The following CCDC66 variants were observed in gnomAD, a reference collection of about 807,000 sequenced individuals.
CCDC66 encodes coiled-coil domain-containing protein 66.
A neutral mutation model predicts 128.3 loss-of-function variants in CCDC66; 133 were observed. The ratio of observed to expected loss-of-function variants is 1.04; its 90% CI spans 0.90 to 1.20. CCDC66 has a LOEUF of 1.20. Among genes scored for constraint, CCDC66 ranks in the 50% most tolerant of loss-of-function variants. CCDC66 has a pLI of 0.00. For synonymous variants in CCDC66, 387 were observed against 357.0 expected (o/e 1.08, Z -0.95); for missense variants, 1,126 against 1,075.5 (o/e 1.05, Z -0.66).
chr3:56,561,470 T>A (rs1465516684), intron 3 of CCDC66: 1 of 265,344 alleles, frequency 3.8e-6, no homozygotes, highest in East Asian at 1.0e-4. Context: ...TGTTTTAGAA[T>A]TTTTTTTTTA....
Position 56,615,113 on chromosome 3 carries a change from C to G in CCDC66, c.1567-15C>G, listed in dbSNP as rs372886360. The G allele has an allele frequency of 1.5e-4, 243 of 1,611,326 alleles. No individual in the cohort carries two copies. The highest frequency in any genetic ancestry group is 1.9e-4 in the Non-Finnish European group (229 of 1,178,906). ...TGTTTAATAGATGAATTTAGTAACA[C>G]ATCAATATTGACAGGAAATCATGAC... is the stretch of plus-strand genomic sequence containing the variant. On this transcript the variant is annotated splice_polypyrimidine_tract_variant and intron_variant, in intron 11 of 17. Coordinates refer to ENST00000394672, the MANE Select transcript of CCDC66 (RefSeq NM_001141947.3).
intron 7 of CCDC66, among the ~76,000 whole-genome samples, chr3:56,576,210 A>G (rs905126549): frequency 6.6e-6 from 1 of 151,224 alleles, no homozygotes; most frequent in African/African-American, 2.4e-5. Flanking sequence ...TTTTTCAGCA[A>G]TGTTTTGTAG....
chr3:56,571,145 T>A (rs550161673), intron 6 of CCDC66, 36 bp from the exon 7 acceptor site: 2 of 1,427,202 alleles, frequency 1.4e-6, no homozygotes, highest in South Asian at 2.6e-5. Flanking sequence ...TTTTTACAGT[T>A]TTTGTACATT....
chr3:56,591,853 A>G (rs2106914014), intron 7 of CCDC66, among the ~76,000 whole-genome samples: 1 of 152,378 alleles, frequency 6.6e-6, no homozygotes, highest in South Asian at 2.1e-4. Flanking sequence ...AAGGGAAGAA[A>G]GTAACATTGT....
At chr3:56,605,000 T>C (rs2073862337) in intron 10 of CCDC66, among the ~76,000 whole-genome samples, 1 of 152,068 alleles carries the variant, frequency 6.6e-6, no homozygotes, top group Non-Finnish European at 1.5e-5. Context: ...TCTTGTCTTT[T>C]TGCTGTATTT....
At chr3:56,610,631 G>C (rs2074665130) in intron 10 of CCDC66, among the ~76,000 whole-genome samples, 1 of 152,056 alleles carries the variant, frequency 6.6e-6, no homozygotes, top group South Asian at 2.1e-4. Flanking sequence ...TTTTTGGGGG[G>C]GTGTTGACGA....
At chr3:56,573,099 C>A (rs531024288) in intron 7 of CCDC66, among the ~76,000 whole-genome samples, 1 of 152,242 alleles carries the variant, frequency 6.6e-6, no homozygotes, top group African/African-American at 2.4e-5. Flanking sequence ...TAAATAATTT[C>A]AGTTGCCAAA....
intron 10 of CCDC66, 75 bp downstream of exon 10, chr3:56,594,103 A>C: frequency 7.4e-7 from 1 of 1,351,808 alleles, no homozygotes; most frequent in East Asian, 2.3e-5. Context: ...AGTAAATGGA[A>C]ATTTAAATTC....
intron 17 of CCDC66, chr3:56,621,201 T>G: frequency 5.7e-6 from 1 of 174,532 alleles, no homozygotes; most frequent in Non-Finnish European, 1.2e-5. Context: ...AAACACTGTA[T>G]GTTAAGGGAG....
At position 56,563,664 on chromosome 3, in the gene CCDC66, A is replaced by G. The variant is rs2065427489; in HGVS notation, c.103-20A>G. On this transcript the variant is annotated intron_variant, in intron 3 of 17. Coordinates refer to ENST00000394672, the MANE Select transcript of CCDC66 (RefSeq NM_001141947.3). ...TTTTCTTGGACAGTTATAAAGAATA[A>G]GCTTCTGGTGTTTTAACAGATGGGA... 1 of 1,519,422 alleles carries G rather than the reference A, an allele frequency of 6.6e-7. No individual in the cohort carries two copies. The highest frequency in any genetic ancestry group is 8.8e-7 in the Non-Finnish European group (1 of 1,130,122). 94.1% of individuals were successfully genotyped at this position (1,519,422 alleles called of 1,614,324 possible).
In CCDC66 at chr3:56,573,732, AT is replaced by A. The variant is rs1294278140; in HGVS notation, c.936+2431del. ...GGTTTCTGTTTAGCCCTTAGGCTAA[AT>A]AGTGGTTAGCCAGGGAGGGAGGAGG... On this transcript the variant is annotated intron_variant, in intron 7 of 17. Transcript: ENST00000394672. 6.2e-3 allele frequency among the ~76,000 whole-genome samples: 935 copies of A among 151,384 alleles called. 24 individuals carry two copies. The East Asian group carries it at 0.064, about 10-fold the overall frequency.
At chr3:56,583,180 T>C (rs1002896667) in intron 7 of CCDC66, among the ~76,000 whole-genome samples, 1 of 151,788 alleles carries the variant, frequency 6.6e-6, no homozygotes, top group Non-Finnish European at 1.5e-5. Context: ...TTTCTGACTT[T>C]TAAAAATATT....
rs751475171 is a variant in CCDC66 at position 56,593,028 on chromosome 3, G to T, written c.995G>T (p.Trp332Leu). ...SAVKQELQRK[W>L]IEELNKQIED... is the part of the protein sequence containing the mutation. ...GTGAAACAAGAACTGCAAAGAAAAT[G>T]GATTGAAGAGTTGAATAAGCAAATA... Residue 332 changes from tryptophan to leucine, a missense_variant, in exon 8 of 18, where the codon TGG becomes TTG. By Grantham distance (61) the Trp-to-Leu change is moderately conservative. Transcript: ENST00000394672. 4 of 1,610,462 alleles carry T rather than the reference G, an allele frequency of 2.5e-6. No homozygotes were observed. The South Asian group carries it at 4.4e-5, about 18-fold the overall frequency.
At position 56,567,361 on chromosome 3, in the gene CCDC66, G is replaced by A. The variant is rs114090695; in HGVS notation, c.814+308G>A. Among the ~76,000 whole-genome samples the A allele has an allele frequency of 9.3e-3, 1,418 of 152,302 alleles. 29 individuals are homozygous for A. The highest frequency in any genetic ancestry group is 0.031 in the African/African-American group (1,308 of 41,572). On this transcript the variant is annotated intron_variant, in intron 6 of 17. Coordinates refer to ENST00000394672, the MANE Select transcript of CCDC66 (RefSeq NM_001141947.3). ...GCCAAGATCGTGCCACTGCACTCCA[G>A]CTGGGCTACCGAGCAAGACTCCATC...
At chr3:56,620,083 A>G in intron 17 of CCDC66, 182 bp downstream of exon 17, 2 of 505,952 alleles carry the variant, frequency 4.0e-6, no homozygotes, top group South Asian at 3.4e-5. Context: ...TTGCTTTTAC[A>G]CTGCCGTCTT....
chr3:56,585,391 G>A (rs2069498480), intron 7 of CCDC66, among the ~76,000 whole-genome samples: 2 of 151,664 alleles, frequency 1.3e-5, no homozygotes, highest in South Asian at 4.1e-4. Context: ...AATATAGGAA[G>A]AAGTTTCAAA....
intron 7 of CCDC66, among the ~76,000 whole-genome samples, chr3:56,571,841 C>G (rs990802582): frequency 6.6e-6 from 1 of 152,094 alleles, no homozygotes; most frequent in African/African-American, 2.4e-5. Context: ...GCCTCTGCCT[C>G]CCAAATGGCT....
chr3:56,606,509 C>T (rs1193283674), intron 10 of CCDC66, among the ~76,000 whole-genome samples: 1 of 151,988 alleles, frequency 6.6e-6, no homozygotes, highest in East Asian at 1.9e-4. Flanking sequence ...GCACATCCCT[C>T]ATGGATTCCC....
At chr3:56,582,228 A>G (rs1487255925) in intron 7 of CCDC66, among the ~76,000 whole-genome samples, 1 of 151,848 alleles carries the variant, frequency 6.6e-6, no homozygotes, top group East Asian at 2.0e-4. Flanking sequence ...GCAGGATATA[A>G]TCTCCTGATG....
Sources: allele counts gnomAD v4.1 joint callset (sites outside exome capture counted in the v4.1 genomes callset), GRCh38; gene constraint gnomAD v4.1.1; transcripts MANE v1.5; gene names NCBI Gene and HGNC (gene_info 2026-07-23, HGNC 2026-07-21).